Variants in TRAF1 observed in about 807,000 individuals in gnomAD.
The protein encoded by TRAF1 is TNF receptor associated factor 1, also known as TNF receptor-associated factor 1.
TRAF1 carries 23 observed loss-of-function variants against 40.9 expected under a neutral mutation model. The observed-to-expected ratio is 0.56, with a 90% confidence interval of 0.40 to 0.80. The LOEUF is 0.80. Among genes scored for constraint, TRAF1 ranks in the 30% least tolerant of loss-of-function variants. The pLI is 0.00. For synonymous variants in TRAF1, 206 were observed against 218.8 expected (o/e 0.94, Z 0.52); for missense variants, 477 against 528.7 (o/e 0.90, Z 0.96).
At chr9:120,925,454 G>A (rs2046632968) in intron 2 of TRAF1, among the ~76,000 whole-genome samples, 1 of 152,226 alleles carries the variant, frequency 6.6e-6, no homozygotes, top group African/African-American at 2.4e-5. Context: ...CTCCAAAAGG[G>A]TTCCCAGCAA....
At chr9:120,905,549 T>G (rs1013626983) in intron 7 of TRAF1, among the ~76,000 whole-genome samples, 3 of 152,160 alleles carry the variant, frequency 2.0e-5, no homozygotes, top group African/African-American at 7.2e-5. Flanking sequence ...TGACTGGCTG[T>G]TGGGGGCAGA....
At position 120,904,720 on chromosome 9, in the gene TRAF1, G is replaced by A. The variant is rs2046465650; in HGVS notation, c.*300C>T. 2.5e-6 allele frequency: 1 copy of A among 405,186 alleles called. No individual in the cohort carries two copies. The highest frequency in any genetic ancestry group is 2.0e-5 in the African/African-American group (1 of 49,580). The allele number at this position is 405,186 out of a possible 1,614,324, so 25.1% of individuals were successfully genotyped here. A position where few individuals can be genotyped will look rare whatever the true frequency, so the allele number is the denominator to read the frequency against. On this transcript the variant is annotated 3_prime_UTR_variant, in exon 8 of 8. Transcript: ENST00000373887. ...TGGTTCCATTTTCTTCTCATTTGGT[G>A]AGAGTCCACCTCAACATTCGGGGCC...
At chr9:120,908,120 C>T (rs1316944703) in intron 7 of TRAF1, among the ~76,000 whole-genome samples, 1 of 151,730 alleles carries the variant, frequency 6.6e-6, no homozygotes, top group East Asian at 1.9e-4. Context: ...ATTTTTAATG[C>T]CTACAATTTC....
chr9:120,906,996 G>A (rs1194563374), intron 7 of TRAF1, among the ~76,000 whole-genome samples: 2 of 152,152 alleles, frequency 1.3e-5, no homozygotes, highest in African/African-American at 2.4e-5. Context: ...AGCCTCCAGA[G>A]TAGATGGGAT....
At chr9:120,915,746 A>T (rs1470373216) in intron 3 of TRAF1, among the ~76,000 whole-genome samples, 1 of 152,062 alleles carries the variant, frequency 6.6e-6, no homozygotes, top group African/African-American at 2.4e-5. Flanking sequence ...AGGTGGGAGG[A>T]TCGCTTGAGC....
chr9:120,909,897 AG>A (rs2046513071), intron 6 of TRAF1, among the ~76,000 whole-genome samples: 1 of 150,588 alleles, frequency 6.6e-6, no homozygotes, highest in Admixed American at 6.6e-5. Context: ...CTGGAGGCTG[AG>A]GGTACATGGG....
chr9:120,914,283 A>G lies in TRAF1; in HGVS notation c.246T>C (p.Ala82=). ...CAAAGGGGCACCCAATTCCAGCCTC[A>G]GCCACCTCGGGGTGAGCCTGGAAAT... ...RTQEKAHPEV[A]EAGIGCPFAG... is the part of the protein sequence containing the mutation. Residue 82 remains alanine (A), a synonymous_variant, in exon 4 of 8, where the codon GCT becomes GCC. Transcript: ENST00000373887. 1.3e-6 allele frequency: 2 copies of G among 1,539,570 alleles called. No homozygotes were observed. Among genetic ancestry groups the G allele is most frequent in the South Asian group, 1.2e-5 (1 of 81,044 alleles).
At chr9:120,905,308 C>G in intron 7 of TRAF1, 70 bp from the exon 8 acceptor site, 3 of 1,480,272 alleles carry the variant, frequency 2.0e-6, no homozygotes, top group Non-Finnish European at 2.8e-6. Flanking sequence ...CAGGCTTGGG[C>G]TCAGAGCTGT....
In TRAF1 at chr9:120,914,263, G is replaced by A. The variant is rs757877072; in HGVS notation, c.266C>T (p.Pro89Leu). 1.3e-6 allele frequency: 2 copies of A among 1,535,676 alleles called. No homozygotes were observed. ...GAAGGAGCAGCCGACACCTGCAAAG[G>A]GGCACCCAATTCCAGCCTCAGCCAC... ...PEVAEAGIGC[P>L]FAGVGCSFKG... is the part of the protein sequence containing the mutation. The change falls in exon 4 of 8, where the codon CCC (proline) becomes CTC (leucine). Residue 89 changes from proline (P) to leucine (L), a missense_variant. Transcript: ENST00000373887.
At chr9:120,914,185 G>A (rs759798992) in intron 4 of TRAF1, 50 bp downstream of exon 4, 3 of 1,427,918 alleles carry the variant, frequency 2.1e-6, no homozygotes, top group Non-Finnish European at 1.9e-6. Context: ...GAGACCTGGA[G>A]GTCTGGAACC....
intron 3 of TRAF1, among the ~76,000 whole-genome samples, chr9:120,923,317 A>G (rs2046616767): frequency 6.6e-6 from 1 of 152,260 alleles, no homozygotes; most frequent in Non-Finnish European, 1.5e-5. Flanking sequence ...AGCAGGCCAC[A>G]CAGTGAGAGA....
Position 120,913,663 on chromosome 9 carries a change from T to G in TRAF1, c.370A>C (p.Lys124Gln). 6.2e-7 allele frequency: 1 copy of G among 1,613,110 alleles called. No homozygotes were observed. Among genetic ancestry groups the G allele is most frequent in the Non-Finnish European group, 8.5e-7 (1 of 1,179,420 alleles). Residue 124 changes from lysine to glutamine, a missense_variant, in exon 5 of 8, where the codon AAA (lysine) becomes CAA (glutamine). Transcript: ENST00000373887. ...CAGCCCAGCCGGGCCTTCCACTGTT[T>G]CATGAACCCCAACAGCAGGTTTAGG... ...SHLNLLLGFM[K>Q]QWKARLGCGL...
upstream of TRAF1, among the ~76,000 whole-genome samples, chr9:120,928,958 G>A (rs547982268): frequency 2.0e-4 from 31 of 151,982 alleles, 1 homozygote; most frequent in South Asian, 6.0e-3. Flanking sequence ...GGGCAGTTGA[G>A]TCCGGGGCGG....
At position 120,914,257 on chromosome 9, in the gene TRAF1, G is replaced by C. The variant is rs2046553528; in HGVS notation, c.272C>G (p.Ala91Gly). 6.5e-7 allele frequency: 1 copy of C among 1,538,040 alleles called. No homozygotes were observed. The highest frequency in any genetic ancestry group is 8.8e-7 in the Non-Finnish European group (1 of 1,131,498). Residue 91 changes from alanine (A) to glycine (G), a missense_variant, in exon 4 of 8, where the codon GCA becomes GGA. Ala to Gly is a moderately conservative substitution (Grantham distance 60). Coordinates refer to ENST00000373887, the MANE Select transcript of TRAF1 (RefSeq NM_005658.5). ...TACCTTGAAGGAGCAGCCGACACCT[G>C]CAAAGGGGCACCCAATTCCAGCCTC... Reference protein sequence around the residue: ...VAEAGIGCPFAGVGCSFKGSP... With the variant: ...VAEAGIGCPFGGVGCSFKGSP...
At chr9:120,913,224 A>C in intron 5 of TRAF1, 104 bp downstream of exon 5, 3 of 1,359,410 alleles carry the variant, frequency 2.2e-6, no homozygotes, top group Non-Finnish European at 3.0e-6. Flanking sequence ...TGATGGAGTG[A>C]CTGCTGTAAG....
rs1435701801 is a variant in TRAF1 at position 120,904,476 on chromosome 9, C to CA, written c.*543dup. On this transcript the variant is annotated 3_prime_UTR_variant, in exon 8 of 8. Transcript: ENST00000373887. ...CTTAAAAGTCTTCAAATCCAACCCC[C>CA]AATTTGAAGTCCTAGTGGAGCCGTC... The CA allele has an allele frequency of 1.3e-5, 2 of 153,896 alleles. No homozygotes were observed. Among genetic ancestry groups the CA allele is most frequent in the African/African-American group, 4.8e-5 (2 of 41,460 alleles). The allele number at this position is 153,896 out of a possible 1,614,324, so 9.5% of individuals were successfully genotyped here.
chr9:120,911,588 A>G, intron 5 of TRAF1, 75 bp from the exon 6 acceptor site: 1 of 1,533,582 alleles, frequency 6.5e-7, no homozygotes. Flanking sequence ...GGATGTGGAG[A>G]TTGATCTGCC....
intron 7 of TRAF1, among the ~76,000 whole-genome samples, chr9:120,906,049 G>A (rs905245121): frequency 2.0e-5 from 3 of 151,992 alleles, no homozygotes; most frequent in African/African-American, 7.3e-5. Context: ...CGGCACACCT[G>A]CCCTGCCCCA....
chr9:120,910,402 T>TA (rs954532501), intron 6 of TRAF1, among the ~76,000 whole-genome samples: 4 of 151,506 alleles, frequency 2.6e-5, no homozygotes, highest in Admixed American at 6.6e-5. Flanking sequence ...GCTGCCTCGT[T>TA]AAAAAAAAAT....
Sources: gnomAD v4.1 joint callset for allele counts (sites outside exome capture counted in the v4.1 genomes callset) on GRCh38, gnomAD v4.1.1 for gene constraint, MANE v1.5 for transcripts, NCBI Gene and HGNC (gene_info 2026-07-23, HGNC 2026-07-21) for gene names.